Variants in ZCCHC4 observed in about 807,000 individuals in gnomAD.
The protein encoded by ZCCHC4 is rRNA N(6)-adenosine-methyltransferase ZCCHC4.
ZCCHC4 carries 54 observed loss-of-function variants against 67.7 expected under a neutral mutation model. The ratio of observed to expected loss-of-function variants is 0.80; its 90% confidence interval spans 0.64 to 1.00. The LOEUF is 1.00. Ranked by LOEUF, ZCCHC4 falls within the 50% of genes least tolerant of loss-of-function variation. The probability of loss-of-function intolerance (pLI) is 0.00; values close to 1 mark genes in which losing one functional copy is unlikely to be tolerated. For missense variants in ZCCHC4, 609 were observed against 617.0 expected, an observed-to-expected ratio of 0.99 and a Z score of 0.14; for synonymous variants, 198 against 213.5, an observed-to-expected ratio of 0.93 and a Z score of 0.63.
chr4:25,331,198 T>C (rs1412271921), intron 3 of ZCCHC4, among the ~76,000 whole-genome samples: 1 of 152,236 alleles, frequency 6.6e-6, no homozygotes, highest in Non-Finnish European at 1.5e-5. Context: ...AGTTGTCCGA[T>C]ATCTTCAAAC....
At chr4:25,368,954 GTTAA>G in intron 12 of ZCCHC4, 71 bp from the exon 13 acceptor site, 6 of 1,492,784 alleles carry the variant, frequency 4.0e-6, no homozygotes, top group Non-Finnish European at 4.5e-6. Flanking sequence ...TGGTTAGCTA[GTTAA>G]TTAAACTTCA....
At chr4:25,339,500 T>G (rs997790672) in intron 5 of ZCCHC4, among the ~76,000 whole-genome samples, 2 of 152,242 alleles carry the variant, frequency 1.3e-5, no homozygotes, top group Non-Finnish European at 2.9e-5. Flanking sequence ...TTGTTTTGTA[T>G]TCCATGATGG....
chr4:25,363,983 A>G (rs1280226443), intron 10 of ZCCHC4, among the ~76,000 whole-genome samples: 2 of 152,230 alleles, frequency 1.3e-5, no homozygotes, highest in Non-Finnish European at 2.9e-5. Context: ...TAAATTGGAT[A>G]TATTTTATGC....
At chr4:25,345,660 G>A in intron 6 of ZCCHC4, 40 bp downstream of exon 6, 3 of 1,343,474 alleles carry the variant, frequency 2.2e-6, no homozygotes, top group Admixed American at 4.0e-5. Flanking sequence ...CTCTTATTGT[G>A]GAATAACAGA....
At position 25,369,281 on chromosome 4, in the gene ZCCHC4, T is replaced by C. The variant is rs1369761112; in HGVS notation, c.*117T>C. ...TCCAGAGGTGTGCACCTTTCTGAGC[T>C]AGATAACAGGCAGGTGGCATTTGCT... On this transcript the variant is annotated 3_prime_UTR_variant, in exon 13 of 13. Coordinates refer to ENST00000302874, the MANE Select transcript of ZCCHC4 (RefSeq NM_024936.3). The C allele has an allele frequency of 7.0e-7, 1 of 1,425,302 alleles. No individual in the cohort carries two copies. The highest frequency in any genetic ancestry group is 2.4e-5 in the East Asian group (1 of 41,626). 88.3% of individuals were successfully genotyped at this position (1,425,302 alleles called of 1,614,324 possible). A position where few individuals can be genotyped will look rare whatever the true frequency, so the allele number is the denominator to read the frequency against.
chr4:25,352,287 G>A (rs1720339506), intron 8 of ZCCHC4: 1 of 985,276 alleles, frequency 1.0e-6, no homozygotes, highest in South Asian at 4.7e-5. Context: ...GCTGTCCACA[G>A]CAGCTCCACC....
At chr4:25,320,044 A>G (rs533313546) in intron 3 of ZCCHC4, among the ~76,000 whole-genome samples, 125 of 152,276 alleles carry the variant, frequency 8.2e-4, no homozygotes, top group Middle Eastern at 3.4e-3. Flanking sequence ...TTTTTATTAT[A>G]GGATTGGTAG....
At chr4:25,340,867 C>A (rs879349969) in intron 5 of ZCCHC4, among the ~76,000 whole-genome samples, 1 of 152,134 alleles carries the variant, frequency 6.6e-6, no homozygotes, top group Non-Finnish European at 1.5e-5. Context: ...TTGGACTGCT[C>A]GGGTTCACTT....
At chr4:25,324,307 G>A (rs760140070) in intron 3 of ZCCHC4, among the ~76,000 whole-genome samples, 1 of 151,938 alleles carries the variant, frequency 6.6e-6, no homozygotes, top group Non-Finnish European at 1.5e-5. Flanking sequence ...GAGCCACTGT[G>A]CCTGGCCAGT....
intron 3 of ZCCHC4, among the ~76,000 whole-genome samples, chr4:25,323,435 T>C (rs1350433241): frequency 6.6e-6 from 1 of 152,058 alleles, no homozygotes; most frequent in Non-Finnish European, 1.5e-5. Flanking sequence ...TATGAAAATA[T>C]GTATTTTTAA....
At chr4:25,314,603 C>T (rs922182339) in intron 2 of ZCCHC4, among the ~76,000 whole-genome samples, 4 of 152,136 alleles carry the variant, frequency 2.6e-5, no homozygotes, top group African/African-American at 9.7e-5. Flanking sequence ...TTTATATCCT[C>T]ATTTCCCAGA....
intron 6 of ZCCHC4, among the ~76,000 whole-genome samples, chr4:25,347,252 C>T (rs1720068626): frequency 6.6e-6 from 1 of 152,038 alleles, no homozygotes; most frequent in South Asian, 2.1e-4. Context: ...ACAATGAAGA[C>T]AAAATAAGGA....
intron 3 of ZCCHC4, 113 bp downstream of exon 3, chr4:25,315,513 TATATA>T: frequency 4.2e-6 from 3 of 715,072 alleles, no homozygotes; most frequent in South Asian, 6.9e-5. Flanking sequence ...TGTAGTTACA[TATATA>T]ATATAAAATT....
intron 3 of ZCCHC4, among the ~76,000 whole-genome samples, chr4:25,325,014 C>T (rs927607412): frequency 3.3e-5 from 5 of 151,820 alleles, no homozygotes; most frequent in Admixed American, 1.3e-4. Context: ...GAGGCCAAGG[C>T]GGGTGGATCA....
rs1357775393 is a variant in ZCCHC4 at position 25,351,575 on chromosome 4, T to G, written c.911-14T>G. 11 of 1,558,284 alleles carry G rather than the reference T, an allele frequency of 7.1e-6. No individual in the cohort carries two copies. The highest frequency in any genetic ancestry group is 9.6e-6 in the Non-Finnish European group (11 of 1,143,876). ...TTAATTTACTATTATTTTTTCCTTT[T>G]TGTGATCCATTAGATGACAGTCACA... On this transcript the variant is annotated splice_polypyrimidine_tract_variant and intron_variant, in intron 7 of 12. Transcript: ENST00000302874.
At chr4:25,344,943 T>G (rs1719934307) in intron 5 of ZCCHC4, among the ~76,000 whole-genome samples, 1 of 151,992 alleles carries the variant, frequency 6.6e-6, no homozygotes, top group Non-Finnish European at 1.5e-5. Flanking sequence ...GCTGGGACCG[T>G]AGGCATGCAT....
rs917165051 is a variant in ZCCHC4, at chr4:25,315,384, A to G, written c.313A>G (p.Thr105Ala). ...AAGATGTCAGCCTCCCCTGTCCCGA[A>G]CGCAGTGTGTGGAAAGGTACTGATG... is the stretch of plus-strand genomic sequence containing the variant. The part of the protein sequence containing the change: ...NRRCQPPLSR[T>A]QCVERYLKFI... The change falls in exon 3 of 13, where the codon ACG (threonine) becomes GCG (alanine). Residue 105 changes from threonine (T) to alanine (A), a missense_variant. Transcript: ENST00000302874. 1.2e-6 allele frequency: 2 copies of G among 1,612,344 alleles called. No individual in the cohort carries two copies. The highest frequency in any genetic ancestry group is 1.7e-6 in the Non-Finnish European group (2 of 1,179,148).
chr4:25,332,025 AGGCCACATGTGAT>A (rs1045382246), intron 3 of ZCCHC4, among the ~76,000 whole-genome samples: 1 of 152,200 alleles, frequency 6.6e-6, no homozygotes, highest in Admixed American at 6.5e-5. Context: ...CTGTATGACT[AGGCCACATGTGAT>A]GGCTCATGCC....
At chr4:25,324,494 TG>T (rs1328309785) in intron 3 of ZCCHC4, among the ~76,000 whole-genome samples, 1 of 152,208 alleles carries the variant, frequency 6.6e-6, no homozygotes, top group Non-Finnish European at 1.5e-5. Flanking sequence ...GTTACTGTGT[TG>T]TAGAAAAAAG....
Sources: gnomAD v4.1 joint callset for allele counts (sites outside exome capture counted in the v4.1 genomes callset) on GRCh38, gnomAD v4.1.1 for gene constraint, MANE v1.5 for transcripts, NCBI Gene and HGNC (gene_info 2026-07-23, HGNC 2026-07-21) for gene names.